Variants in CBFA2T2 observed in about 807,000 individuals in gnomAD.
The protein encoded by CBFA2T2 is protein CBFA2T2.
A neutral mutation model predicts 62.2 loss-of-function variants in CBFA2T2; 11 were observed. The ratio of observed to expected loss-of-function variants is 0.18; its 90% confidence interval spans 0.11 to 0.29. The LOEUF is 0.29. Among genes scored for constraint, CBFA2T2 ranks in the 10% least tolerant of loss-of-function variants. CBFA2T2 has a pLI of 1.00. For missense variants in CBFA2T2, 592 were observed against 774.1 expected, an observed-to-expected ratio of 0.76 and a Z score of 2.79; for synonymous variants, 295 against 287.5, an observed-to-expected ratio of 1.03 and a Z score of -0.27.
At chr20:33,525,131 C>T (rs6059368) in intron 1 of CBFA2T2, among the ~76,000 whole-genome samples, 134,886 of 151,794 alleles carry the variant, frequency 0.89, 61,502 homozygotes, top group Non-Finnish European at 1. Flanking sequence ...CCAGTGCACC[C>T]GGCCGCTTTT....
At chr20:33,509,471 T>C (rs997420312) in intron 1 of CBFA2T2, among the ~76,000 whole-genome samples, 1 of 152,136 alleles carries the variant, frequency 6.6e-6, no homozygotes, top group Admixed American at 6.6e-5. Flanking sequence ...ATAATGATGT[T>C]TTTAAAAGGA....
chr20:33,526,791 T>C (rs989943718), intron 1 of CBFA2T2, among the ~76,000 whole-genome samples: 1 of 152,332 alleles, frequency 6.6e-6, no homozygotes, highest in East Asian at 1.9e-4. Context: ...TATATTTCCA[T>C]GTGTTCTATG....
intron 1 of CBFA2T2, among the ~76,000 whole-genome samples, chr20:33,549,564 A>G (rs553128564): frequency 2.4e-4 from 37 of 152,316 alleles, no homozygotes; most frequent in African/African-American, 8.9e-4. Context: ...GGACAGTGAA[A>G]GCAAGATTAG....
At chr20:33,603,415 C>T (rs894494137) in intron 1 of CBFA2T2, among the ~76,000 whole-genome samples, 4 of 152,154 alleles carry the variant, frequency 2.6e-5, no homozygotes, top group Admixed American at 2.0e-4. Flanking sequence ...AGGTGTTGAA[C>T]CATAAGTCAT....
intron 1 of CBFA2T2, among the ~76,000 whole-genome samples, chr20:33,577,773 TTC>T (rs1320115261): frequency 2.0e-5 from 3 of 152,326 alleles, no homozygotes; most frequent in South Asian, 2.1e-4. Context: ...AATTTTTGAC[TTC>T]TCTGAGCCTT....
rs961763716 is a variant in CBFA2T2 at position 33,649,597 on chromosome 20, A to G, written c.*4951A>G. ...GTACACTCAGTGATGCTTATACCAA[A>G]TAGGGCATGTGCGCTGGTGTCTGTT... On this transcript the variant is annotated 3_prime_UTR_variant, in exon 11 of 11. Transcript: ENST00000342704. 4 of 152,218 alleles carry G rather than the reference A, an allele frequency of 2.6e-5. No individual in the cohort carries two copies. Among genetic ancestry groups the G allele is most frequent in the African/African-American group, 7.2e-5 (3 of 41,420 alleles). The allele number at this position is 152,218 out of a possible 1,614,324, so 9.4% of individuals were successfully genotyped here.
chr20:33,580,076 C>T (rs1003009899), intron 1 of CBFA2T2, among the ~76,000 whole-genome samples: 3 of 152,116 alleles, frequency 2.0e-5, no homozygotes, highest in Non-Finnish European at 4.4e-5. Context: ...CTCGGCCTCC[C>T]AAAGTGCTAG....
intron 3 of CBFA2T2, among the ~76,000 whole-genome samples, chr20:33,614,637 CA>C (rs2015644818): frequency 6.6e-6 from 1 of 152,192 alleles, no homozygotes; most frequent in Non-Finnish European, 1.5e-5. Flanking sequence ...CTAGGTACCT[CA>C]TACAAGTAGA....
At chr20:33,623,786 C>T (rs1274027283) in intron 5 of CBFA2T2, 3 of 714,282 alleles carry the variant, frequency 4.2e-6, no homozygotes, top group Non-Finnish European at 7.8e-6. Context: ...CATAATACAT[C>T]TAAAATCTAT....
In CBFA2T2 at chr20:33,560,198, G is replaced by A. The variant is rs114800779; in HGVS notation, c.35-46758G>A. Reference sequence around the variant, plus strand: ...ATTTGATACCGGCTATTGGCAAGATGTCTCAGTCTCTCCCCATGTGGAAGG... The same window carrying A: ...ATTTGATACCGGCTATTGGCAAGATATCTCAGTCTCTCCCCATGTGGAAGG... On this transcript the variant is annotated intron_variant, in intron 1 of 10. Coordinates refer to ENST00000342704, the MANE Select transcript of CBFA2T2 (RefSeq NM_001032999.3). Among the ~76,000 whole-genome samples, 845 of 152,288 alleles carry A rather than the reference G, an allele frequency of 5.5e-3. 5 individuals are homozygous for A. Among genetic ancestry groups the A allele is most frequent in the African/African-American group, 0.019 (789 of 41,548 alleles).
chr20:33,623,988 A>G (rs1170778124), intron 5 of CBFA2T2: 1 of 578,184 alleles, frequency 1.7e-6, no homozygotes, highest in African/African-American at 1.9e-5. Flanking sequence ...AGAAAAAACA[A>G]AAAAAAAGAA....
intron 1 of CBFA2T2, among the ~76,000 whole-genome samples, chr20:33,525,250 A>G (rs1046586693): frequency 6.6e-6 from 1 of 151,730 alleles, no homozygotes; most frequent in African/African-American, 2.4e-5. Flanking sequence ...CAATGGCACA[A>G]TCTCGGCTCA....
chr20:33,620,493 G>A (rs1029169116), intron 4 of CBFA2T2, among the ~76,000 whole-genome samples: 55 of 144,246 alleles, frequency 3.8e-4, no homozygotes, highest in African/African-American at 1.4e-3. Context: ...GTGACAGAGT[G>A]AGACATTCTC....
chr20:33,598,132 C>G (rs776723746), intron 1 of CBFA2T2, among the ~76,000 whole-genome samples: 6 of 152,142 alleles, frequency 3.9e-5, no homozygotes, highest in Non-Finnish European at 7.3e-5. Flanking sequence ...GGCAAGATCA[C>G]AGGACCACAG....
intron 1 of CBFA2T2, among the ~76,000 whole-genome samples, chr20:33,505,251 T>C (rs985621885): frequency 1.3e-5 from 2 of 152,324 alleles, no homozygotes; most frequent in African/African-American, 4.8e-5. Flanking sequence ...ATCCCAGTCC[T>C]TTCTTTTACC....
intron 1 of CBFA2T2, among the ~76,000 whole-genome samples, chr20:33,581,790 G>C (rs939981649): frequency 1.8e-4 from 27 of 152,166 alleles, no homozygotes; most frequent in African/African-American, 6.5e-4. Flanking sequence ...CTTAGAATTT[G>C]CAAATCAGTG....
intron 1 of CBFA2T2, among the ~76,000 whole-genome samples, chr20:33,523,449 C>CTT (rs1275709311): frequency 6.6e-6 from 1 of 151,652 alleles, no homozygotes; most frequent in Non-Finnish European, 1.5e-5. Context: ...ATTACAGAGT[C>CTT]TATCTTAATT....
chr20:33,521,266 C>A (rs1568798036), intron 1 of CBFA2T2, among the ~76,000 whole-genome samples: 1 of 152,054 alleles, frequency 6.6e-6, no homozygotes, highest in East Asian at 1.9e-4. Context: ...GAGTAATGAG[C>A]TTGTTTTGCT....
At chr20:33,539,296 G>A (rs1237831665) in intron 1 of CBFA2T2, among the ~76,000 whole-genome samples, 3 of 152,222 alleles carry the variant, frequency 2.0e-5, no homozygotes, top group East Asian at 1.9e-4. Context: ...GCAACACAGT[G>A]TGGGTAGTCT....
Sources: gnomAD v4.1 joint callset for allele counts (sites outside exome capture counted in the v4.1 genomes callset) on GRCh38, gnomAD v4.1.1 for gene constraint, MANE v1.5 for transcripts, NCBI Gene and HGNC (gene_info 2026-07-23, HGNC 2026-07-21) for gene names.